The following SLC9B1 variants were observed in gnomAD, a reference collection of about 807,000 sequenced individuals.
SLC9B1 encodes solute carrier family 9 member B1, also known as sodium/hydrogen exchanger 9B1.
Under a neutral mutation model 51.7 loss-of-function variants are expected in SLC9B1, and 32 were observed. That is an observed-to-expected ratio of 0.62 (90% CI 0.47 to 0.83). The LOEUF (loss-of-function observed/expected upper bound fraction) is 0.83, where lower values mean the gene tolerates loss of function less well. Among genes scored for constraint, SLC9B1 ranks in the 40% least tolerant of loss-of-function variants. The pLI is 0.00. For missense variants in SLC9B1, 406 were observed against 613.2 expected (o/e 0.66, Z 3.57); for synonymous variants, 145 against 212.7 (o/e 0.68, Z 2.77).
At chr4:102,938,830 TAAAAC>T (rs1238229080) in intron 6 of SLC9B1, among the ~76,000 whole-genome samples, 1 of 151,930 alleles carries the variant, frequency 6.6e-6, no homozygotes, top group Non-Finnish European at 1.5e-5. Context: ...TATAACTAAT[TAAAAC>T]AAAGATACAA....
chr4:102,956,887 T>C (rs1737840407), intron 3 of SLC9B1, among the ~76,000 whole-genome samples: 1 of 152,150 alleles, frequency 6.6e-6, no homozygotes, highest in African/African-American at 2.4e-5. Flanking sequence ...AGATACTGGA[T>C]TTAGAAAGAA....
intron 3 of SLC9B1, among the ~76,000 whole-genome samples, chr4:102,971,249 C>G (rs528491075): frequency 6.6e-6 from 1 of 152,274 alleles, no homozygotes; most frequent in South Asian, 2.1e-4. Context: ...TAAAGCACTC[C>G]TCAGCAAATG....
intron 1 of SLC9B1, among the ~76,000 whole-genome samples, chr4:103,013,555 A>T (rs75733768): frequency 2.0e-5 from 3 of 152,196 alleles, no homozygotes; most frequent in African/African-American, 7.2e-5. Context: ...TAATATGCTG[A>T]GGAATTTGAA....
chr4:103,012,011 A>G (rs1195514968), intron 1 of SLC9B1, among the ~76,000 whole-genome samples: 1 of 152,226 alleles, frequency 6.6e-6, no homozygotes, highest in Non-Finnish European at 1.5e-5. Flanking sequence ...GCACTTGGCC[A>G]TATTCTTGGT....
chr4:102,922,272 C>G (rs1185382881), intron 7 of SLC9B1, among the ~76,000 whole-genome samples: 1 of 152,180 alleles, frequency 6.6e-6, no homozygotes. Context: ...CAAAACTGAA[C>G]AACTACATGG....
chr4:103,013,324 C>T (rs2110544118), intron 1 of SLC9B1, among the ~76,000 whole-genome samples: 1 of 152,322 alleles, frequency 6.6e-6, no homozygotes, highest in South Asian at 2.1e-4. Flanking sequence ...ACTACATAAA[C>T]TGGATGTGTT....
intron 3 of SLC9B1, among the ~76,000 whole-genome samples, chr4:102,969,483 T>C (rs1437506718): frequency 6.6e-6 from 1 of 151,972 alleles, no homozygotes; most frequent in Non-Finnish European, 1.5e-5. Flanking sequence ...CATCTGTAGG[T>C]CACCATCATC....
In SLC9B1 at chr4:102,910,337, C is replaced by T. The variant is rs575572292; in HGVS notation, c.1086+102G>A. The stretch of plus-strand genomic sequence containing the variant: ...CATACACTTTCTTGAGGACAGAAAA[C>T]CTTTTGGAACATTTTCCAACCAGAA... On this transcript the variant is annotated intron_variant, in intron 9 of 11. Coordinates refer to ENST00000296422, the MANE Select transcript of SLC9B1 (RefSeq NM_139173.4). 1.4e-4 allele frequency: 144 copies of T among 1,049,820 alleles called. 1 individual carries two copies. In the African/African-American group the frequency reaches 2.3e-3, roughly 17 times the overall value. 65.0% of individuals were successfully genotyped at this position (1,049,820 alleles called of 1,614,324 possible).
intron 7 of SLC9B1, among the ~76,000 whole-genome samples, chr4:102,930,537 TG>T (rs1287662814): frequency 6.6e-6 from 1 of 152,186 alleles, no homozygotes; most frequent in Non-Finnish European, 1.5e-5. Flanking sequence ...CCTGAGTAGC[TG>T]GGATTACAGA....
intron 2 of SLC9B1, among the ~76,000 whole-genome samples, chr4:102,991,244 G>A (rs1416402290): frequency 6.6e-6 from 1 of 151,794 alleles, no homozygotes; most frequent in Non-Finnish European, 1.5e-5. Flanking sequence ...TCAACAAAAG[G>A]TCTAACGACT....
At chr4:102,924,998 G>A (rs1156653203) in intron 7 of SLC9B1, among the ~76,000 whole-genome samples, 1 of 151,220 alleles carries the variant, frequency 6.6e-6, no homozygotes, top group East Asian at 1.9e-4. Flanking sequence ...ACAGTGTGGC[G>A]ATTCCTCAAG....
At position 102,910,433 on chromosome 4, in the gene SLC9B1, A is replaced by G. The variant is rs1332570681; in HGVS notation, c.1086+6T>C. On this transcript the variant is annotated splice_donor_region_variant and intron_variant, in intron 9 of 11. Transcript: ENST00000296422. ...TTTTAAAATATAGCATATTAAAAAT[A>G]TTCACCTTTTCTTGGGACCATTTTG... The G allele has an allele frequency of 1.3e-6, 2 of 1,543,584 alleles. No homozygotes were observed. The highest frequency in any genetic ancestry group is 1.7e-6 in the Non-Finnish European group (2 of 1,153,684).
chr4:102,886,541 A>G (rs577144571), intron 11 of SLC9B1, among the ~76,000 whole-genome samples: 2 of 152,240 alleles, frequency 1.3e-5, no homozygotes, highest in South Asian at 4.1e-4. Flanking sequence ...GAAAAAATAT[A>G]CCAAACTGTT....
At chr4:102,999,264 T>C (rs1462839958) in intron 1 of SLC9B1, among the ~76,000 whole-genome samples, 1 of 152,232 alleles carries the variant, frequency 6.6e-6, no homozygotes, top group Admixed American at 6.5e-5. Flanking sequence ...ACTCTGTTGA[T>C]AGTGTCCTTT....
downstream of SLC9B1, among the ~76,000 whole-genome samples, chr4:102,899,470 G>A (rs1331735054): frequency 2.6e-5 from 4 of 151,504 alleles, no homozygotes; most frequent in Non-Finnish European, 5.9e-5. Flanking sequence ...CTGGAGTGCA[G>A]TGGTGCGATC....
intron 3 of SLC9B1, among the ~76,000 whole-genome samples, chr4:102,975,231 A>G (rs1261319250): frequency 6.6e-6 from 1 of 152,000 alleles, no homozygotes; most frequent in East Asian, 1.9e-4. Flanking sequence ...CTAGCCTCAA[A>G]CTCTTGGCTT....
chr4:102,946,553 T>C (rs1737278683), intron 5 of SLC9B1, 94 bp downstream of exon 5: 6 of 1,395,202 alleles, frequency 4.3e-6, no homozygotes, highest in Non-Finnish European at 4.9e-6. Context: ...CAGACTCTAT[T>C]TGGAACAGGA....
intron 11 of SLC9B1, chr4:102,887,290 C>T: frequency 9.4e-7 from 1 of 1,067,588 alleles, no homozygotes. Context: ...ATGTTTCTAC[C>T]TAATGAATCA....
At chr4:102,936,019 A>AC (rs1736705436) in intron 6 of SLC9B1, among the ~76,000 whole-genome samples, 1 of 152,036 alleles carries the variant, frequency 6.6e-6, no homozygotes, top group African/African-American at 2.4e-5. Flanking sequence ...TGGCTGGCAC[A>AC]CCCCATCAGA....
Sources: allele counts gnomAD v4.1 joint callset (sites outside exome capture counted in the v4.1 genomes callset), GRCh38; gene constraint gnomAD v4.1.1; transcripts MANE v1.5; gene names NCBI Gene and HGNC (gene_info 2026-07-23, HGNC 2026-07-21).